The following KLHL35 variants were observed in gnomAD, a reference collection of about 807,000 sequenced individuals.
KLHL35 encodes kelch like family member 35, also known as kelch-like protein 35.
Under a neutral mutation model 44.0 loss-of-function variants are expected in KLHL35, and 50 were observed. The ratio of observed to expected loss-of-function variants is 1.14; its 90% CI spans 0.91 to 1.44. The LOEUF (loss-of-function observed/expected upper bound fraction) is 1.44. Ranked by LOEUF, KLHL35 falls within the 40% of genes most tolerant of loss-of-function variation. The pLI, the probability that KLHL35 is intolerant of heterozygous loss-of-function variation, is 0.00. For synonymous variants in KLHL35, 470 were observed against 410.4 expected, an observed-to-expected ratio of 1.15 and a Z score of -1.76; for missense variants, 1,049 against 887.8, an observed-to-expected ratio of 1.18 and a Z score of -2.31.
Position 75,430,354 on chromosome 11 carries a change from T to C in KLHL35, c.276A>G (p.Pro92=). 7.6e-7 allele frequency: 1 copy of C among 1,321,580 alleles called. No individual in the cohort carries two copies. Among genetic ancestry groups the C allele is most frequent in the Non-Finnish European group, 9.7e-7 (1 of 1,034,092 alleles). 81.9% of individuals were successfully genotyped at this position (1,321,580 alleles called of 1,614,324 possible). ...VPVVPVAPEA[P]GTSPAGAAAA... Reference sequence around the variant, plus strand: ...CCGCCGCCCCGGCCGGGCTCGTGCCTGGCGCCTCGGGAGCTACTGGCACCA... The same window carrying C: ...CCGCCGCCCCGGCCGGGCTCGTGCCCGGCGCCTCGGGAGCTACTGGCACCA... The change falls in exon 2 of 7, where the codon CCA becomes CCG. Residue 92 remains proline (P), a synonymous_variant. Coordinates refer to ENST00000539798, the MANE Select transcript of KLHL35 (RefSeq NM_001039548.3).
At chr11:75,432,957 G>A (rs1364815291) in intron 1 of KLHL35, among the ~76,000 whole-genome samples, 86 bp downstream of exon 1, 2 of 152,118 alleles carry the variant, frequency 1.3e-5, no homozygotes, top group East Asian at 3.8e-4. Context: ...CACCTCCTCC[G>A]CATCCTCCCC....
chr11:75,423,615 G>T, intron 6 of KLHL35, 77 bp downstream of exon 6: 1 of 1,234,228 alleles, frequency 8.1e-7, no homozygotes, highest in Non-Finnish European at 1.2e-6. Flanking sequence ...CTAGGATGGA[G>T]TCACAAGATT....
At chr11:75,431,444 A>G (rs1235362122) in intron 1 of KLHL35, among the ~76,000 whole-genome samples, 4 of 152,184 alleles carry the variant, frequency 2.6e-5, no homozygotes, top group African/African-American at 9.7e-5. Context: ...AGGGGAGTTC[A>G]TAGAAGGGCC....
chr11:75,430,410 G>C lies in KLHL35; in HGVS notation c.220C>G (p.Arg74Gly). 7.3e-7 allele frequency: 1 copy of C among 1,362,812 alleles called. No individual in the cohort carries two copies. Among genetic ancestry groups the C allele is most frequent in the South Asian group, 1.5e-5 (1 of 65,884 alleles). 84.4% of individuals were successfully genotyped at this position (1,362,812 alleles called of 1,614,324 possible). A position where few individuals can be genotyped will look rare whatever the true frequency, so the allele number is the denominator to read the frequency against. ...AYFRSLFAAG[R>G]PERGPAVVPV... ...ACCACGGCCGGGCCGCGCTCGGGCCGCCCGGCCGCGAACAAGCTGCGGAAG... is the reference window on the plus strand; with the variant it reads ...ACCACGGCCGGGCCGCGCTCGGGCCCCCCGGCCGCGAACAAGCTGCGGAAG... The change falls in exon 2 of 7, where the codon CGG becomes GGG. Residue 74 changes from arginine (R) to glycine (G), a missense_variant. Transcript: ENST00000539798.
intron 1 of KLHL35, among the ~76,000 whole-genome samples, chr11:75,432,478 TCACAG>T (rs898222698): frequency 6.6e-6 from 1 of 152,126 alleles, no homozygotes; most frequent in African/African-American, 2.4e-5. Flanking sequence ...AGACCGGTCA[TCACAG>T]CACGCTGCAA....
At chr11:75,423,552 T>C (rs1404262235) in intron 6 of KLHL35, 140 bp downstream of exon 6, 5 of 734,538 alleles carry the variant, frequency 6.8e-6, no homozygotes, top group Admixed American at 4.8e-5. Context: ...GTGAAATGCA[T>C]GGTTCACTAT....
Position 75,429,787 on chromosome 11 carries a change from C to A in KLHL35, c.843G>T (p.Leu281=). ...LLLEARACFI[L]GREAGALRTR... ...TCCGCAGCGCACCGGCCTCGCGGCCCAGGATGAAGCAGGCGCGAGCCTCGA... is the reference window on the plus strand; with the variant it reads ...TCCGCAGCGCACCGGCCTCGCGGCCAAGGATGAAGCAGGCGCGAGCCTCGA... The change falls in exon 2 of 7, where the codon CTG becomes CTT. Residue 281 remains leucine (L), a synonymous_variant. Coordinates refer to ENST00000539798, the MANE Select transcript of KLHL35 (RefSeq NM_001039548.3). 1 of 1,510,178 alleles carries A rather than the reference C, an allele frequency of 6.6e-7. No individual in the cohort carries two copies. The highest frequency in any genetic ancestry group is 8.8e-7 in the Non-Finnish European group (1 of 1,135,838). 93.5% of individuals were successfully genotyped at this position (1,510,178 alleles called of 1,614,324 possible).
In KLHL35 at chr11:75,423,688, T is replaced by C; in HGVS notation, c.1563+4A>G. The C allele has an allele frequency of 6.2e-7, 1 of 1,612,976 alleles. No homozygotes were observed. The highest frequency in any genetic ancestry group is 8.5e-7 in the Non-Finnish European group (1 of 1,179,364). ...CGCTCTCCTGCCTTGAAGCCTCCAC[T>C]TACCACAGGGCTGGGGAGGACAGCT... is the stretch of plus-strand genomic sequence containing the variant. On this transcript the variant is annotated splice_donor_region_variant and intron_variant, in intron 6 of 6. Transcript: ENST00000539798.
rs1431920189 is a variant in KLHL35, at chr11:75,425,493, G to A, written c.1274C>T (p.Ala425Val). The A allele has an allele frequency of 3.2e-6, 5 of 1,562,866 alleles. No individual in the cohort carries two copies. In the African/African-American group the frequency reaches 4.1e-5, roughly 13 times the overall value. ...CGAGCTCACGGCCTCCGGGAGGGGC[G>A]CGGCGGCCGCCCAGGTGTTGGAGAA... is the stretch of plus-strand genomic sequence containing the variant. ...DPFSNTWAAA[A>V]PLPEAVSSAA... The change falls in exon 5 of 7, where the codon GCG (alanine) becomes GTG (valine). Residue 425 changes from alanine to valine, a missense_variant. By Grantham distance (64) the Ala-to-Val change is moderately conservative (BLOSUM62 0). Transcript: ENST00000539798.
intron 1 of KLHL35, among the ~76,000 whole-genome samples, chr11:75,431,168 T>G (rs571119789): frequency 6.6e-6 from 1 of 152,168 alleles, no homozygotes; most frequent in South Asian, 2.1e-4. Flanking sequence ...TGTGTGCATG[T>G]GCAGGGGAGA....
chr11:75,430,590 A>ACG lies in KLHL35; in HGVS notation c.39_40insCG (p.Cys14ArgfsTer19). 3 of 1,431,798 alleles carry ACG rather than the reference A, an allele frequency of 2.1e-6. No individual in the cohort carries two copies. Among genetic ancestry groups the ACG allele is most frequent in the Admixed American group, 2.8e-5 (1 of 35,680 alleles). The allele number at this position is 1,431,798 out of a possible 1,614,324, so 88.7% of individuals were successfully genotyped here. On this transcript the variant is annotated frameshift_variant, in exon 2 of 7. Transcript: ENST00000539798. LOFTEE classifies it high-confidence loss of function. ...CACGGACCCGCGCACGGCGCTTCGCAGCCCGGCTCCGACTCCTCCGGCGCA... is the reference window on the plus strand; with the variant it reads ...CACGGACCCGCGCACGGCGCTTCGCACGGCCCGGCTCCGACTCCTCCGGCGCA...
At position 75,430,321 on chromosome 11, in the gene KLHL35, C is replaced by T; in HGVS notation, c.309G>A (p.Leu103=). The T allele has an allele frequency of 2.4e-6, 3 of 1,262,574 alleles. No homozygotes were observed. The highest frequency in any genetic ancestry group is 3.0e-6 in the Non-Finnish European group (3 of 1,004,158). The allele number at this position is 1,262,574 out of a possible 1,614,324, so 78.2% of individuals were successfully genotyped here. ...GTSPAGAAAA[L]AVVLDYVYGA... ...CGTACACGTAGTCGAGCACCACGGC[C>T]AGCGCCGCCGCCGCCCCGGCCGGGC... is the stretch of plus-strand genomic sequence containing the variant. Residue 103 remains leucine (L), a synonymous_variant, in exon 2 of 7, where the codon CTG becomes CTA. Coordinates refer to ENST00000539798, the MANE Select transcript of KLHL35 (RefSeq NM_001039548.3).
intron 2 of KLHL35, 42 bp from the exon 3 acceptor site, chr11:75,428,668 A>G (rs1948510866): frequency 2.0e-6 from 3 of 1,508,466 alleles, no homozygotes. Context: ...GCCGCACCCA[A>G]GTTCGGCCCT....
chr11:75,423,541 T>G (rs1948467346), intron 6 of KLHL35, 151 bp downstream of exon 6: 2 of 701,418 alleles, frequency 2.9e-6, no homozygotes, highest in African/African-American at 3.6e-5. Context: ...TCTCCTCATC[T>G]GTGAAATGCA....
intron 3 of KLHL35, among the ~76,000 whole-genome samples, chr11:75,427,224 T>A (rs967010793): frequency 2.6e-5 from 4 of 152,216 alleles, no homozygotes; most frequent in African/African-American, 7.2e-5. Flanking sequence ...TGGCCTTTTG[T>A]CAGAGCCAGA....
At chr11:75,428,812 G>A (rs1171561526) in intron 2 of KLHL35, among the ~76,000 whole-genome samples, 186 bp from the exon 3 acceptor site, 7 of 152,074 alleles carry the variant, frequency 4.6e-5, no homozygotes, top group Admixed American at 2.6e-4. Flanking sequence ...TGGGTACTGG[G>A]AAGAGAATCG....
intron 3 of KLHL35, 100 bp downstream of exon 3, chr11:75,428,342 T>C (rs1592038817): frequency 7.3e-7 from 1 of 1,369,598 alleles, no homozygotes; most frequent in Non-Finnish European, 9.9e-7. Context: ...TCAGAAAACA[T>C]CCCGCCCCTC....
At chr11:75,430,704 C>T in intron 1 of KLHL35, 74 bp from the exon 2 acceptor site, 1 of 1,208,622 alleles carries the variant, frequency 8.3e-7, no homozygotes, top group South Asian at 2.6e-5. Flanking sequence ...AGCCCTCATC[C>T]GTTTATTTCC....
At position 75,422,667 on chromosome 11, in the gene KLHL35, G is replaced by T. The variant is rs1175042482; in HGVS notation, c.1665C>A (p.Ser555Arg). The change falls in exon 7 of 7, where the codon AGC (serine) becomes AGA (arginine). Residue 555 changes from serine to arginine, a missense_variant. By Grantham distance (110) the Ser-to-Arg change is moderately radical. Transcript: ENST00000539798. ...ATGGCTGGACCTCCACCTGCCCACT[G>T]CTGGGGTCAAAGGTGAAGACCTTAT... ...STDKVFTFDP[S>R]SGQVEVQPSL... 3 of 1,613,920 alleles carry T rather than the reference G, an allele frequency of 1.9e-6. No individual in the cohort carries two copies. Among genetic ancestry groups the T allele is most frequent in the Middle Eastern group, 3.3e-4 (2 of 6,084 alleles).
Sources: allele counts gnomAD v4.1 joint callset (sites outside exome capture counted in the v4.1 genomes callset), GRCh38; gene constraint gnomAD v4.1.1; transcripts MANE v1.5; gene names NCBI Gene and HGNC (gene_info 2026-07-23, HGNC 2026-07-21).